The following GIGYF2 variants were observed in gnomAD, a reference collection of about 807,000 sequenced individuals.
GIGYF2 encodes GRB10 interacting GYF protein 2, also known as GRB10-interacting GYF protein 2.
A neutral mutation model predicts 208.1 loss-of-function variants in GIGYF2; 25 were observed. The ratio of observed to expected loss-of-function variants is 0.12; its 90% confidence interval spans 0.09 to 0.17. The LOEUF is 0.17. Ranked by LOEUF, GIGYF2 falls within the 10% of genes least tolerant of loss-of-function variation. GIGYF2 has a pLI of 1.00. For missense variants in GIGYF2, 1,302 were observed against 1,579.4 expected (o/e 0.82, Z 2.98); for synonymous variants, 534 against 543.8 (o/e 0.98, Z 0.25).
chr2:232,764,156 A>G (rs1448011637), intron 8 of GIGYF2, among the ~76,000 whole-genome samples: 1 of 152,238 alleles, frequency 6.6e-6, no homozygotes, highest in Non-Finnish European at 1.5e-5. Context: ...GACCAAATCT[A>G]ATCAAATGGG....
At chr2:232,836,328 ATACATATATATACTTATATATTTATAT>A (rs1701624069) in intron 22 of GIGYF2, among the ~76,000 whole-genome samples, 1 of 29,194 alleles carries the variant, frequency 3.4e-5, no homozygotes, top group Non-Finnish European at 7.2e-5. Flanking sequence ...ATATATATAT[ATACATATATATACTTATATATTTATAT>A]ATATAAATAT....
In GIGYF2 at chr2:232,801,921, T is replaced by A. The variant is rs568210097; in HGVS notation, c.1640-4570T>A. 4.6e-5 allele frequency among the ~76,000 whole-genome samples: 7 copies of A among 152,364 alleles called. No homozygotes were observed. In the East Asian group the frequency reaches 1.3e-3, roughly 29 times the overall value. On this transcript the variant is annotated intron_variant, in intron 14 of 28. Coordinates refer to ENST00000373563, the MANE Select transcript of GIGYF2 (RefSeq NM_001103146.3). ...TCCAGTCCATGAACATGGATGTGTT[T>A]CCATTTATTTAGGTCTTTAATTTCT...
intron 12 of GIGYF2, among the ~76,000 whole-genome samples, chr2:232,792,894 G>A (rs1700113047): frequency 1.3e-5 from 2 of 152,146 alleles, no homozygotes; most frequent in South Asian, 4.1e-4. Flanking sequence ...TACATTAAAG[G>A]TCGAAACTCC....
chr2:232,730,862 C>T (rs1697452083), intron 2 of GIGYF2, among the ~76,000 whole-genome samples: 1 of 126,612 alleles, frequency 7.9e-6, no homozygotes, highest in African/African-American at 3.1e-5. Flanking sequence ...CCCGCCACTG[C>T]ACTCCAGCCT....
intron 22 of GIGYF2, among the ~76,000 whole-genome samples, chr2:232,836,699 T>C (rs1186531591): frequency 6.6e-6 from 1 of 152,014 alleles, no homozygotes; most frequent in East Asian, 1.9e-4. Flanking sequence ...GGATTTCTTC[T>C]AGTTTTCTTT....
intron 2 of GIGYF2, among the ~76,000 whole-genome samples, chr2:232,713,779 G>A (rs1322421268): frequency 6.6e-6 from 1 of 152,090 alleles, no homozygotes; most frequent in Admixed American, 6.6e-5. Context: ...TGATTAGACT[G>A]GGGTTATGGA....
At chr2:232,823,372 T>C (rs1304878192) in intron 21 of GIGYF2, among the ~76,000 whole-genome samples, 3 of 150,946 alleles carry the variant, frequency 2.0e-5, no homozygotes, top group Admixed American at 1.3e-4. Context: ...TCTTTCTTTT[T>C]TTTTTTTTTT....
intron 22 of GIGYF2, among the ~76,000 whole-genome samples, chr2:232,837,359 A>G (rs1255249452): frequency 6.6e-6 from 1 of 152,228 alleles, no homozygotes; most frequent in Non-Finnish European, 1.5e-5. Context: ...TCTTGGTTTA[A>G]GTATCACCAA....
At chr2:232,788,449 A>T in intron 9 of GIGYF2, 3 of 383,908 alleles carry the variant, frequency 7.8e-6, no homozygotes, top group South Asian at 6.1e-5. Flanking sequence ...ATAGTTCTCT[A>T]AAAGGCATCA....
intron 8 of GIGYF2, among the ~76,000 whole-genome samples, chr2:232,769,695 G>A (rs1038327640): frequency 6.6e-6 from 1 of 151,892 alleles, no homozygotes; most frequent in East Asian, 1.9e-4. Flanking sequence ...AATCAGTTTT[G>A]TGCCACAGAT....
chr2:232,836,300 A>T (rs1040013266), intron 22 of GIGYF2, among the ~76,000 whole-genome samples: 274 of 19,362 alleles, frequency 0.014, 18 homozygotes, highest in Admixed American at 0.048. Context: ...ATATATATAT[A>T]TATATATATA....
At chr2:232,699,571 C>A (rs960335620) in intron 1 of GIGYF2, among the ~76,000 whole-genome samples, 2 of 152,200 alleles carry the variant, frequency 1.3e-5, no homozygotes, top group East Asian at 3.9e-4. Context: ...TTATCTTTCT[C>A]AAAAGTAAAC....
At chr2:232,742,904 C>T (rs1698022822) in intron 3 of GIGYF2, among the ~76,000 whole-genome samples, 1 of 152,106 alleles carries the variant, frequency 6.6e-6, no homozygotes, top group Non-Finnish European at 1.5e-5. Flanking sequence ...ACCTGATGGG[C>T]TTTACATGGT....
At chr2:232,797,489 T>TTTTG (rs1553614939) in intron 14 of GIGYF2, among the ~76,000 whole-genome samples, 2 of 144,994 alleles carry the variant, frequency 1.4e-5, no homozygotes, top group African/African-American at 5.2e-5. Context: ...AGAGCAGGGC[T>TTTTG]TGTGTGTGTG....
intron 19 of GIGYF2, chr2:232,815,940 T>A (rs1700894577): frequency 8.9e-6 from 5 of 561,496 alleles, no homozygotes; most frequent in Non-Finnish European, 1.6e-5. Flanking sequence ...TAAATTACTA[T>A]GTTTGGTTTG....
intron 22 of GIGYF2, among the ~76,000 whole-genome samples, chr2:232,838,607 T>A (rs921765818): frequency 1.3e-5 from 2 of 152,230 alleles, no homozygotes; most frequent in Admixed American, 1.3e-4. Context: ...CCTTCTGATC[T>A]TCTGATTGAT....
intron 18 of GIGYF2, among the ~76,000 whole-genome samples, chr2:232,814,565 A>AACCC (rs1700847572): frequency 1.6e-4 from 12 of 75,942 alleles, no homozygotes; most frequent in African/African-American, 3.3e-4. Flanking sequence ...TCCACCTCAA[A>AACCC]CCCCCCCCCC....
intron 1 of GIGYF2, among the ~76,000 whole-genome samples, chr2:232,697,749 C>T (rs1036538515): frequency 2.0e-5 from 3 of 152,222 alleles, no homozygotes; most frequent in Non-Finnish European, 4.4e-5. Context: ...GGCCGGCTTG[C>T]TCGGAGCTGG....
chr2:232,831,571 A>C (rs865879306), intron 21 of GIGYF2, among the ~76,000 whole-genome samples: 11 of 152,222 alleles, frequency 7.2e-5, no homozygotes, highest in Admixed American at 2.0e-4. Flanking sequence ...CCAAAATAAA[A>C]ATACCCATTT....
Sources: allele counts gnomAD v4.1 joint callset (sites outside exome capture counted in the v4.1 genomes callset), GRCh38; gene constraint gnomAD v4.1.1; transcripts MANE v1.5; gene names NCBI Gene and HGNC (gene_info 2026-07-23, HGNC 2026-07-21).